Variants in TEAD1 observed in about 807,000 individuals in gnomAD.
TEAD1 encodes TEA domain transcription factor 1.
Under a neutral mutation model 54.9 loss-of-function variants are expected in TEAD1, and 9 were observed. The ratio of observed to expected loss-of-function variants is 0.16; its 90% CI spans 0.10 to 0.29. The LOEUF (loss-of-function observed/expected upper bound fraction) is 0.29, where lower values mean the gene tolerates loss of function less well. Among genes scored for constraint, TEAD1 ranks in the 10% least tolerant of loss-of-function variants. TEAD1 has a pLI of 1.00. For missense variants in TEAD1, 387 were observed against 535.9 expected, an observed-to-expected ratio of 0.72 and a Z score of 2.74; for synonymous variants, 200 against 187.8, an observed-to-expected ratio of 1.07 and a Z score of -0.53.
intron 3 of TEAD1, among the ~76,000 whole-genome samples, chr11:12,858,470 A>AT (rs1947437096): frequency 6.6e-6 from 1 of 152,222 alleles, no homozygotes; most frequent in Admixed American, 6.5e-5. Flanking sequence ...TAGACATTTG[A>AT]TTTGGGGGAA....
chr11:12,695,910 G>T (rs1943570368), intron 2 of TEAD1, among the ~76,000 whole-genome samples: 2 of 152,252 alleles, frequency 1.3e-5, no homozygotes, highest in African/African-American at 4.8e-5. Context: ...ATTTTAGCCA[G>T]GTTCTGCCCC....
chr11:12,932,143 A>G (rs1220003637), intron 12 of TEAD1, among the ~76,000 whole-genome samples: 1 of 152,234 alleles, frequency 6.6e-6, no homozygotes, highest in Non-Finnish European at 1.5e-5. Flanking sequence ...AGAAGCCAGC[A>G]TTCAGGGGAA....
At chr11:12,677,168 T>C (rs1268126898) in intron 2 of TEAD1, among the ~76,000 whole-genome samples, 5 of 152,108 alleles carry the variant, frequency 3.3e-5, no homozygotes, top group Non-Finnish European at 7.3e-5. Context: ...TTTTTTCTTT[T>C]CTTTTCCCAA....
At chr11:12,691,586 T>A (rs2133824644) in intron 2 of TEAD1, among the ~76,000 whole-genome samples, 1 of 152,310 alleles carries the variant, frequency 6.6e-6, no homozygotes, top group East Asian at 1.9e-4. Flanking sequence ...ATGCTTGTGC[T>A]TGTCATCTTG....
intron 3 of TEAD1, among the ~76,000 whole-genome samples, chr11:12,806,400 A>T (rs1211201354): frequency 6.6e-6 from 1 of 152,230 alleles, no homozygotes; most frequent in Non-Finnish European, 1.5e-5. Context: ...TGGCCTACAC[A>T]GACCTTGGAA....
intron 3 of TEAD1, among the ~76,000 whole-genome samples, chr11:12,842,909 ATTTC>A (rs780107556): frequency 1.1e-4 from 17 of 152,168 alleles, no homozygotes; most frequent in Non-Finnish European, 2.9e-5. Flanking sequence ...TGAATGGTTT[ATTTC>A]TTCTAATTCC....
At chr11:12,731,638 A>T (rs942711857) in intron 2 of TEAD1, among the ~76,000 whole-genome samples, 4 of 152,152 alleles carry the variant, frequency 2.6e-5, no homozygotes, top group African/African-American at 9.7e-5. Flanking sequence ...ATTTTTTGGC[A>T]GTTATAAACC....
chr11:12,863,610 C>T (rs1441783970), intron 4 of TEAD1, among the ~76,000 whole-genome samples: 2 of 152,126 alleles, frequency 1.3e-5, no homozygotes, highest in East Asian at 1.9e-4. Flanking sequence ...ATGGGGTAAT[C>T]ACCACACAGT....
intron 2 of TEAD1, among the ~76,000 whole-genome samples, chr11:12,704,641 C>T (rs974505866): frequency 1.3e-5 from 2 of 152,206 alleles, no homozygotes; most frequent in Non-Finnish European, 2.9e-5. Flanking sequence ...ATCACGTTGT[C>T]GTCTGCGTGT....
chr11:12,927,679 CTCATT>C (rs966832347), intron 11 of TEAD1, among the ~76,000 whole-genome samples: 6 of 152,152 alleles, frequency 3.9e-5, no homozygotes, highest in East Asian at 1.9e-4. Context: ...TATTTGCATT[CTCATT>C]TCATTTTATG....
Position 12,726,464 on chromosome 11 carries a change from G to T in TEAD1, c.-54-37715G>T, listed in dbSNP as rs117687558. On this transcript the variant is annotated intron_variant, in intron 2 of 12. Coordinates refer to ENST00000527636, the MANE Select transcript of TEAD1 (RefSeq NM_021961.6). ...ACTGGGGGAGTCACCAACCTTGTGC[G>T]CTATTCAGCACTAGGAAGGTGGCTA... Among the ~76,000 whole-genome samples the T allele has an allele frequency of 2.6e-5, 4 of 152,304 alleles. No individual in the cohort carries two copies. In the East Asian group the frequency reaches 7.7e-4, roughly 29 times the overall value.
chr11:12,922,192 CTTTTTTTTTT>C lies in TEAD1; in HGVS notation c.874-2707_874-2698del, dbSNP rs756723520. On this transcript the variant is annotated intron_variant, in intron 10 of 12. Transcript: ENST00000527636. ...AGGGGAATGTGGAGTACATGGTTCT[CTTTTTTTTTT>C]TTTTTTTTTTTTGAGACGGAGTCTC... 5.3e-5 allele frequency among the ~76,000 whole-genome samples: 5 copies of C among 94,518 alleles called. 1 individual carries two copies. The highest frequency in any genetic ancestry group is 1.3e-4 in the African/African-American group (3 of 23,110). The allele number at this position is 94,518 out of a possible 152,430, so 62.0% of individuals were successfully genotyped here. A position where few individuals can be genotyped will look rare whatever the true frequency, so the allele number is the denominator to read the frequency against.
intron 9 of TEAD1, among the ~76,000 whole-genome samples, chr11:12,887,093 G>GTTTT (rs1254187335): frequency 1.1e-4 from 1 of 9,460 alleles, no homozygotes. Flanking sequence ...TTTTTTTTTT[G>GTTTT]TTTGTTTTTT....
At chr11:12,882,759 C>A (rs983771763) in intron 8 of TEAD1, among the ~76,000 whole-genome samples, 2 of 152,218 alleles carry the variant, frequency 1.3e-5, no homozygotes, top group African/African-American at 4.8e-5. Flanking sequence ...CCTCATACTG[C>A]AGCCCTTAAC....
intron 4 of TEAD1, among the ~76,000 whole-genome samples, chr11:12,862,657 C>T (rs1412928597): frequency 4.6e-5 from 7 of 152,154 alleles, no homozygotes; most frequent in African/African-American, 9.7e-5. Flanking sequence ...AATGCACTTG[C>T]AGGTCATGAA....
chr11:12,770,868 A>T (rs1270320340), intron 3 of TEAD1, among the ~76,000 whole-genome samples: 1 of 152,256 alleles, frequency 6.6e-6, no homozygotes, highest in Non-Finnish European at 1.5e-5. Context: ...AGCATGAGAC[A>T]GACAGACTTA....
intron 9 of TEAD1, among the ~76,000 whole-genome samples, chr11:12,885,705 A>T (rs374897300): frequency 3.3e-5 from 5 of 152,172 alleles, no homozygotes; most frequent in African/African-American, 1.2e-4. Context: ...CTCTTTTTTT[A>T]AAAGAAATTA....
chr11:12,757,313 A>C (rs2133915892), intron 2 of TEAD1, among the ~76,000 whole-genome samples: 1 of 152,108 alleles, frequency 6.6e-6, no homozygotes, highest in South Asian at 2.1e-4. Flanking sequence ...CGCCTCCCAT[A>C]TCTCTTTCCC....
intron 9 of TEAD1, among the ~76,000 whole-genome samples, chr11:12,888,043 TTATG>T (rs1589961285): frequency 6.6e-6 from 1 of 152,172 alleles, no homozygotes; most frequent in East Asian, 1.9e-4. Flanking sequence ...AAAAAAGAAA[TTATG>T]TAGCCAGGTT....
Sources: gnomAD v4.1 joint callset for allele counts (sites outside exome capture counted in the v4.1 genomes callset) on GRCh38, gnomAD v4.1.1 for gene constraint, MANE v1.5 for transcripts, NCBI Gene and HGNC (gene_info 2026-07-23, HGNC 2026-07-21) for gene names.